MDGA2: variants seen among roughly 807,000 people sequenced by gnomAD.
The protein encoded by MDGA2 is MAM domain-containing glycosylphosphatidylinositol anchor protein 2.
A neutral mutation model predicts 117.8 loss-of-function variants in MDGA2; 40 were observed. The observed-to-expected ratio is 0.34, with a 90% CI of 0.26 to 0.44. The LOEUF (loss-of-function observed/expected upper bound fraction) is 0.44, where lower values mean the gene tolerates loss of function less well. Ranked by LOEUF, MDGA2 falls within the 20% of genes least tolerant of loss-of-function variation. The pLI is 1.00. For missense variants in MDGA2, 1,123 were observed against 1,250.6 expected, an observed-to-expected ratio of 0.90 and a Z score of 1.54; for synonymous variants, 452 against 439.0, an observed-to-expected ratio of 1.03 and a Z score of -0.37.
At chr14:47,364,183 C>G (rs1891182966) in intron 1 of MDGA2, among the ~76,000 whole-genome samples, 1 of 152,122 alleles carries the variant, frequency 6.6e-6, no homozygotes, top group South Asian at 2.1e-4. Context: ...TTAATAATAT[C>G]TATGAGTCAT....
chr14:47,120,903 C>T (rs1049314228), intron 5 of MDGA2, among the ~76,000 whole-genome samples: 2 of 152,074 alleles, frequency 1.3e-5, no homozygotes, highest in Non-Finnish European at 2.9e-5. Context: ...TAAATCATGC[C>T]GAGTTGTGGT....
intron 1 of MDGA2, among the ~76,000 whole-genome samples, chr14:47,413,603 A>G (rs1892416559): frequency 6.6e-6 from 1 of 152,026 alleles, no homozygotes; most frequent in South Asian, 2.1e-4. Context: ...GTAAATATCT[A>G]TATAACAAAA....
chr14:47,333,216 A>G (rs1890343427), intron 1 of MDGA2, among the ~76,000 whole-genome samples: 1 of 151,946 alleles, frequency 6.6e-6, no homozygotes, highest in Admixed American at 6.6e-5. Flanking sequence ...AGAAATCTCC[A>G]TACTGTTTTT....
intron 1 of MDGA2, among the ~76,000 whole-genome samples, chr14:47,548,150 C>T (rs752768707): frequency 5.9e-5 from 9 of 152,062 alleles, no homozygotes; most frequent in Admixed American, 1.3e-4. Flanking sequence ...TTCTTTATTA[C>T]TTCATGTGGT....
At chr14:47,592,339 G>A (rs1239704360) in intron 1 of MDGA2, among the ~76,000 whole-genome samples, 2 of 152,022 alleles carry the variant, frequency 1.3e-5, no homozygotes, top group Admixed American at 1.3e-4. Flanking sequence ...TACATTCGAT[G>A]CTATTCCCAT....
chr14:47,225,087 C>A (rs1442882569), intron 2 of MDGA2, among the ~76,000 whole-genome samples: 1 of 152,140 alleles, frequency 6.6e-6, no homozygotes, highest in Admixed American at 6.5e-5. Flanking sequence ...CTTAACATTT[C>A]TCTGCAAATC....
intron 2 of MDGA2, among the ~76,000 whole-genome samples, chr14:47,300,421 T>C (rs1381226055): frequency 1.3e-5 from 2 of 152,170 alleles, no homozygotes; most frequent in South Asian, 2.1e-4. Flanking sequence ...ATCATATATA[T>C]ATAACCTAAA....
At chr14:47,507,912 G>C (rs548056984) in intron 1 of MDGA2, among the ~76,000 whole-genome samples, 1 of 152,142 alleles carries the variant, frequency 6.6e-6, no homozygotes. Flanking sequence ...CTGAAAAAAC[G>C]ACTGCAACTT....
intron 1 of MDGA2, among the ~76,000 whole-genome samples, chr14:47,427,957 G>A (rs1166078110): frequency 6.6e-6 from 1 of 152,070 alleles, no homozygotes; most frequent in Non-Finnish European, 1.5e-5. Context: ...AAATAAACTG[G>A]TGCTAAATTC....
intron 1 of MDGA2, among the ~76,000 whole-genome samples, chr14:47,647,641 C>A (rs1397771823): frequency 6.6e-6 from 1 of 152,078 alleles, no homozygotes; most frequent in Non-Finnish European, 1.5e-5. Flanking sequence ...TTATTCTGTG[C>A]AGTACAGTAA....
intron 3 of MDGA2, among the ~76,000 whole-genome samples, chr14:47,192,207 A>G (rs1315497818): frequency 6.6e-6 from 1 of 152,134 alleles, no homozygotes; most frequent in Non-Finnish European, 1.5e-5. Flanking sequence ...TTCTTTGAAA[A>G]GAGGTATGGG....
chr14:47,468,394 A>G (rs1294671266), intron 1 of MDGA2, among the ~76,000 whole-genome samples: 2 of 152,178 alleles, frequency 1.3e-5, no homozygotes, highest in African/African-American at 2.4e-5. Context: ...GCTGCAGTTG[A>G]AAAGTCTGAC....
intron 1 of MDGA2, among the ~76,000 whole-genome samples, chr14:47,443,064 A>C (rs1423113243): frequency 6.6e-6 from 1 of 152,176 alleles, no homozygotes; most frequent in Non-Finnish European, 1.5e-5. Flanking sequence ...AGCAATTAAG[A>C]TATGCCATAA....
intron 2 of MDGA2, among the ~76,000 whole-genome samples, chr14:47,233,691 C>A (rs1594743193): frequency 6.6e-6 from 1 of 152,126 alleles, no homozygotes; most frequent in East Asian, 1.9e-4. Flanking sequence ...GGCGGGAAAA[C>A]AACATTTTGT....
At chr14:46,918,846 C>T (rs1434975607) in intron 10 of MDGA2, among the ~76,000 whole-genome samples, 1 of 149,962 alleles carries the variant, frequency 6.7e-6, no homozygotes, top group African/African-American at 2.5e-5. Context: ...GCTGCAAACT[C>T]CGCCTCCCAG....
At chr14:47,620,415 T>C (rs73262397) in intron 1 of MDGA2, among the ~76,000 whole-genome samples, 3,000 of 152,324 alleles carry the variant, frequency 0.02, 97 homozygotes, top group African/African-American at 0.067. Flanking sequence ...AAATGCAAGT[T>C]AAAACTTTCT....
chr14:47,066,304 A>G (rs1182915907), intron 6 of MDGA2, among the ~76,000 whole-genome samples: 1 of 152,182 alleles, frequency 6.6e-6, no homozygotes, highest in Non-Finnish European at 1.5e-5. Context: ...TTGACATTTC[A>G]AAGCATTAAC....
chr14:47,639,128 T>G (rs1267875743), intron 1 of MDGA2, among the ~76,000 whole-genome samples: 1 of 152,182 alleles, frequency 6.6e-6, no homozygotes, highest in Non-Finnish European at 1.5e-5. Flanking sequence ...TATCTTCTCA[T>G]CTTATTTTAT....
At chr14:47,564,225 A>T (rs1566517669) in intron 1 of MDGA2, among the ~76,000 whole-genome samples, 1 of 151,888 alleles carries the variant, frequency 6.6e-6, no homozygotes, top group Non-Finnish European at 1.5e-5. Context: ...TGATGACTAT[A>T]TGTCTTGGGG....
Sources: gnomAD v4.1 joint callset for allele counts (sites outside exome capture counted in the v4.1 genomes callset) on GRCh38, gnomAD v4.1.1 for gene constraint, MANE v1.5 for transcripts, NCBI Gene and HGNC (gene_info 2026-07-23, HGNC 2026-07-21) for gene names.